The following NFIX variants were observed in gnomAD, a reference collection of about 807,000 sequenced individuals.
NFIX encodes nuclear factor I X.
A neutral mutation model predicts 53.3 loss-of-function variants in NFIX; 2 were observed. That is an observed-to-expected ratio of 0.04 (90% CI 0.02 to 0.12). NFIX has a LOEUF of 0.12. NFIX is among the 10% of genes least tolerant of loss of function. The probability of loss-of-function intolerance (pLI) is 1.00; values close to 1 mark genes in which losing one functional copy is unlikely to be tolerated. For synonymous variants in NFIX, 244 were observed against 289.0 expected (o/e 0.84, Z 1.58); for missense variants, 310 against 674.5 (o/e 0.46, Z 5.99).
chr19:13,031,415 G>GCAGAAGGGCT (rs1488523568), intron 2 of NFIX, among the ~76,000 whole-genome samples: 1 of 152,200 alleles, frequency 6.6e-6, no homozygotes, highest in Admixed American at 6.5e-5. Flanking sequence ...CTACTCTGCA[G>GCAGAAGGGCT]CAGAAGGGCT....
intron 1 of NFIX, chr19:13,023,955 C>G: frequency 7.8e-7 from 1 of 1,276,180 alleles, no homozygotes; most frequent in South Asian, 1.3e-5. Flanking sequence ...CCTCCCCCCA[C>G]CCGCCCCCAA....
At chr19:13,086,058 G>A (rs2017761539) in intron 8 of NFIX, among the ~76,000 whole-genome samples, 1 of 152,240 alleles carries the variant, frequency 6.6e-6, no homozygotes, top group Non-Finnish European at 1.5e-5. Flanking sequence ...CGTTTTTTGA[G>A]CAGGTCTTGA....
chr19:13,025,134 G>C lies in NFIX; in HGVS notation c.141G>C (p.Arg47=), dbSNP rs375719449. Reference sequence around the variant, plus strand: ...AGTACTTCAAGAAGCATGAAAAGCGGATGTCGAAGGACGAGGAGCGGGCGG... The same window carrying C: ...AGTACTTCAAGAAGCATGAAAAGCGCATGTCGAAGGACGAGGAGCGGGCGG... The part of the protein sequence containing the change: ...KRKYFKKHEK[R]MSKDEERAVK... Residue 47 remains arginine (R), a synonymous_variant, in exon 2 of 11, where the codon CGG becomes CGC. Coordinates refer to ENST00000592199, the MANE Select transcript of NFIX (RefSeq NM_001365902.3). This position sits in a 1 kb window ranked among gnomAD's most constrained non-coding sequence, Gnocchi z 7.5. 2 of 1,614,232 alleles carry C rather than the reference G, an allele frequency of 1.2e-6. No homozygotes were observed. Among genetic ancestry groups the C allele is most frequent in the East Asian group, 2.2e-5 (1 of 44,888 alleles).
intron 1 of NFIX, among the ~76,000 whole-genome samples, chr19:12,997,565 C>A (rs1032917936): frequency 6.6e-6 from 1 of 152,240 alleles, no homozygotes; most frequent in Non-Finnish European, 1.5e-5. Context: ...GCCTACCCAG[C>A]GGTGTCTGAG....
At position 13,073,789 on chromosome 19, in the gene NFIX, C is replaced by G. The variant is rs1328896320; in HGVS notation, c.698-117C>G. 2.1e-6 allele frequency: 3 copies of G among 1,402,878 alleles called. No homozygotes were observed. The African/African-American group carries it at 4.3e-5, about 20-fold the overall frequency. 86.9% of individuals were successfully genotyped at this position (1,402,878 alleles called of 1,614,324 possible). A position where few individuals can be genotyped will look rare whatever the true frequency, so the allele number is the denominator to read the frequency against. On this transcript the variant is annotated intron_variant, in intron 4 of 10. Transcript: ENST00000592199. This position sits in a 1 kb window ranked among gnomAD's most constrained non-coding sequence, Gnocchi z 4.5. ...GCCCAGATGGCCCACTTTCTCCCAT[C>G]TCCTGGCCCCACAGTAAACTCACCC... is the stretch of plus-strand genomic sequence containing the variant.
rs11555273 is a variant in NFIX at position 13,096,332 on chromosome 19, G to C, written c.*1683G>C. ...TGTATTTATTGTGAATCTAGTTTGT[G>C]AGGCTGTGGCCCCGAGCTGGCGGAG... On this transcript the variant is annotated 3_prime_UTR_variant, in exon 11 of 11. Coordinates refer to ENST00000592199, the MANE Select transcript of NFIX (RefSeq NM_001365902.3). 5,666 of 152,716 alleles carry C rather than the reference G, an allele frequency of 0.037. 192 individuals are homozygous for C. Among genetic ancestry groups the C allele is most frequent in the Middle Eastern group, 0.17 (50 of 294 alleles). The allele number at this position is 152,716 out of a possible 1,614,324, so 9.5% of individuals were successfully genotyped here.
rs1371191936 is a variant in NFIX, at chr19:13,090,448, G to T, written c.1494+58G>T. ...GACCAGGGGAGTAGTCAGGGTTGGG[G>T]GGCATCTTGGTGTTAGGGAAGAGCC... On this transcript the variant is annotated intron_variant, in intron 10 of 10. Coordinates refer to ENST00000592199, the MANE Select transcript of NFIX (RefSeq NM_001365902.3). This position sits in a 1 kb window ranked among gnomAD's most constrained non-coding sequence, Gnocchi z 6.6. 1.7e-5 allele frequency: 26 copies of T among 1,503,740 alleles called. No homozygotes were observed. The Admixed American group carries it at 4.3e-4, about 25-fold the overall frequency. 93.1% of individuals were successfully genotyped at this position (1,503,740 alleles called of 1,614,324 possible).
Position 12,995,696 on chromosome 19 carries a change from AGCGCGGGGCCGCGGGCCGGGCGG to A in NFIX, c.-137_-115del, listed in dbSNP as rs2011438455. 1 of 156,218 alleles carries A rather than the reference AGCGCGGGGCCGCGGGCCGGGCGG, an allele frequency of 6.4e-6. No homozygotes were observed. Among genetic ancestry groups the A allele is most frequent in the African/African-American group, 2.6e-5 (1 of 39,026 alleles). 9.7% of individuals were successfully genotyped at this position (156,218 alleles called of 1,614,324 possible). On this transcript the variant is annotated 5_prime_UTR_variant, in exon 1 of 11. Coordinates refer to ENST00000592199, the MANE Select transcript of NFIX (RefSeq NM_001365902.3). ...GCGAGCGCGGAGCGGCGCCGGGCCG[AGCGCGGGGCCGCGGGCCGGGCGG>A]GCGCAGCGCGGCGGAGGCCGGAGGA...
intron 2 of NFIX, among the ~76,000 whole-genome samples, chr19:13,061,552 T>C (rs1206590565): frequency 6.6e-6 from 1 of 152,196 alleles, no homozygotes; most frequent in Non-Finnish European, 1.5e-5. Context: ...GCCACCTAGC[T>C]ATGGCGTCCA....
intron 1 of NFIX, among the ~76,000 whole-genome samples, chr19:13,015,760 T>C (rs1464180952): frequency 1.3e-5 from 2 of 151,768 alleles, no homozygotes; most frequent in Non-Finnish European, 2.9e-5. Flanking sequence ...GCCCTGTTGA[T>C]GGGATCAGAG....
At chr19:13,010,174 G>A (rs928466576) in intron 1 of NFIX, among the ~76,000 whole-genome samples, 2 of 152,188 alleles carry the variant, frequency 1.3e-5, no homozygotes, top group Admixed American at 1.3e-4. Flanking sequence ...GGGCTCCAAC[G>A]ACATCCCGCC....
In NFIX at chr19:13,088,718, T is replaced by C. The variant is rs1220700219; in HGVS notation, c.1402+582T>C. Among the ~76,000 whole-genome samples the C allele has an allele frequency of 1.3e-5, 2 of 151,720 alleles. No homozygotes were observed. Among genetic ancestry groups the C allele is most frequent in the East Asian group, 1.9e-4 (1 of 5,174 alleles). On this transcript the variant is annotated intron_variant, in intron 9 of 10. Transcript: ENST00000592199. This position sits in a 1 kb window ranked among gnomAD's most constrained non-coding sequence, Gnocchi z 5.9. ...GGTTTCTCGTTGTTCCTCTTTTTTT[T>C]TCCCCCCCTTCCATCCCTCTCCCGT...
In NFIX at chr19:13,028,252, GA is replaced by G. The variant is rs1293462156; in HGVS notation, c.559+2701del. 6.6e-6 allele frequency among the ~76,000 whole-genome samples: 1 copy of G among 152,254 alleles called. No homozygotes were observed. Among genetic ancestry groups the G allele is most frequent in the Non-Finnish European group, 1.5e-5 (1 of 68,042 alleles). On this transcript the variant is annotated intron_variant, in intron 2 of 10. Transcript: ENST00000592199. This position sits in a 1 kb window ranked among gnomAD's most constrained non-coding sequence, Gnocchi z 4.2. ...GCCACTTGCTCCTTCCTTCCAGGATGATAAACTGGGGACAGGGGCCGGGATG... is the reference window on the plus strand; with the variant it reads ...GCCACTTGCTCCTTCCTTCCAGGATGTAAACTGGGGACAGGGGCCGGGATG...
chr19:13,024,952 C>A, intron 1 of NFIX, 69 bp from the exon 2 acceptor site: 7 of 1,541,540 alleles, frequency 4.5e-6, no homozygotes, highest in African/African-American at 1.4e-5. Flanking sequence ...TTCTCTCTTT[C>A]CCCCTCATCC....
At chr19:13,033,434 T>C (rs2013961894) in intron 2 of NFIX, among the ~76,000 whole-genome samples, 1 of 152,206 alleles carries the variant, frequency 6.6e-6, no homozygotes, top group African/African-American at 2.4e-5. Context: ...CCAGCTGCCA[T>C]GGACTATCAG....
chr19:13,079,675 G>T (rs1222150337), intron 7 of NFIX, among the ~76,000 whole-genome samples: 1 of 152,008 alleles, frequency 6.6e-6, no homozygotes, highest in East Asian at 1.9e-4. Context: ...GCGAGGTGGG[G>T]GTGGGGAGCC....
chr19:13,024,920 C>G, intron 1 of NFIX, 101 bp from the exon 2 acceptor site: 3 of 1,474,602 alleles, frequency 2.0e-6, no homozygotes, highest in Non-Finnish European at 2.8e-6. Context: ...TTGTGCCCCC[C>G]CTTCTAACGC....
Position 13,026,910 on chromosome 19 carries a change from G to A in NFIX, c.559+1358G>A, listed in dbSNP as rs79997878. On this transcript the variant is annotated intron_variant, in intron 2 of 10. Transcript: ENST00000592199. The stretch of plus-strand genomic sequence containing the variant: ...TGTGTGTCTCTGTGTCTTTCTTCCT[G>A]TTCATTCACAAAAAAGAAAAGTGAT... Among the ~76,000 whole-genome samples the A allele has an allele frequency of 3.4e-3, 518 of 152,150 alleles. 6 individuals are homozygous for A. Among genetic ancestry groups the A allele is most frequent in the African/African-American group, 0.012 (502 of 41,482 alleles).
rs771886546 is a variant in NFIX, at chr19:13,094,273, G to C, written c.1495-362G>C. 5.9e-5 allele frequency among the ~76,000 whole-genome samples: 9 copies of C among 152,200 alleles called. No individual in the cohort carries two copies. Among genetic ancestry groups the C allele is most frequent in the Non-Finnish European group, 1.3e-4 (9 of 68,026 alleles). On this transcript the variant is annotated intron_variant, in intron 10 of 10. Coordinates refer to ENST00000592199, the MANE Select transcript of NFIX (RefSeq NM_001365902.3). This position sits in a 1 kb window ranked among gnomAD's most constrained non-coding sequence, Gnocchi z 4.3. ...CTCTGGGTACAAAAGCCCCAGCCTG[G>C]CATCTTCCCCACCCTCCAGGACCCA...
Sources: gnomAD v4.1 joint callset for allele counts (sites outside exome capture counted in the v4.1 genomes callset) on GRCh38, gnomAD v4.1.1 for gene constraint, Gnocchi (gnomAD v3.1) non-coding constraint, MANE v1.5 for transcripts, NCBI Gene and HGNC (gene_info 2026-07-23, HGNC 2026-07-21) for gene names.